The following ARHGAP44 variants were observed in gnomAD, a reference collection of about 807,000 sequenced individuals.
ARHGAP44 encodes Rho GTPase activating protein 44, also known as rho GTPase-activating protein 44.
Under a neutral mutation model 106.8 loss-of-function variants are expected in ARHGAP44, and 43 were observed. That is an observed-to-expected ratio of 0.40 (90% CI 0.32 to 0.52). The LOEUF (loss-of-function observed/expected upper bound fraction) is 0.52. Ranked by LOEUF, ARHGAP44 falls within the 20% of genes least tolerant of loss-of-function variation. ARHGAP44 has a pLI of 0.48. For synonymous variants in ARHGAP44, 439 were observed against 410.3 expected, an observed-to-expected ratio of 1.07 and a Z score of -0.85; for missense variants, 866 against 1,050.5, an observed-to-expected ratio of 0.82 and a Z score of 2.43.
chr17:12,884,701 C>T (rs760932845), intron 1 of ARHGAP44, among the ~76,000 whole-genome samples: 7 of 152,142 alleles, frequency 4.6e-5, no homozygotes, highest in Non-Finnish European at 8.8e-5. Flanking sequence ...ACCTTCCCCA[C>T]CCCCATCTAC....
chr17:12,855,485 T>C (rs1486410688), intron 1 of ARHGAP44, among the ~76,000 whole-genome samples: 1 of 151,946 alleles, frequency 6.6e-6, no homozygotes, highest in East Asian at 1.9e-4. Flanking sequence ...AGATTCTACA[T>C]TATCTTCATT....
intron 3 of ARHGAP44, among the ~76,000 whole-genome samples, chr17:12,898,505 A>T (rs1279992414): frequency 2.0e-5 from 3 of 152,172 alleles, no homozygotes; most frequent in Admixed American, 1.3e-4. Flanking sequence ...AAAGGCACTT[A>T]ATTGCCTCAC....
chr17:12,848,974 G>A (rs1057031486), intron 1 of ARHGAP44, among the ~76,000 whole-genome samples: 1 of 151,874 alleles, frequency 6.6e-6, no homozygotes, highest in Non-Finnish European at 1.5e-5. Context: ...CTTGAACTTG[G>A]GAGGTGGAGG....
At chr17:12,975,249 G>A (rs766465789) in intron 18 of ARHGAP44, among the ~76,000 whole-genome samples, 51 of 152,252 alleles carry the variant, frequency 3.3e-4, no homozygotes, top group Non-Finnish European at 5.4e-4. Flanking sequence ...GGGGACTACT[G>A]TATCCTATTT....
rs115965065 is a variant in ARHGAP44 at position 12,899,843 on chromosome 17, G to A, written c.198+3332G>A. On this transcript the variant is annotated intron_variant, in intron 3 of 20. Coordinates refer to ENST00000379672, the MANE Select transcript of ARHGAP44 (RefSeq NM_014859.6). The stretch of plus-strand genomic sequence containing the variant: ...CACATGTAAGTTGCTACTTGAGTAC[G>A]TGTAAGTTGCTTTTTGTTATTTCTC... Among the ~76,000 whole-genome samples the A allele has an allele frequency of 6.5e-3, 986 of 152,282 alleles. 17 individuals are homozygous for A. The highest frequency in any genetic ancestry group is 0.023 in the African/African-American group (942 of 41,576).
chr17:12,930,062 C>G (rs545990111), intron 7 of ARHGAP44, among the ~76,000 whole-genome samples: 24 of 152,294 alleles, frequency 1.6e-4, no homozygotes, highest in African/African-American at 5.5e-4. Flanking sequence ...TGGAACCAAG[C>G]AAAGTAAGAC....
intron 1 of ARHGAP44, among the ~76,000 whole-genome samples, chr17:12,839,731 C>T (rs146938378): frequency 3.4e-4 from 52 of 152,206 alleles, no homozygotes; most frequent in African/African-American, 1.2e-3. Flanking sequence ...CTTTAAGTTG[C>T]GTGGATATTC....
chr17:12,878,491 C>T (rs894052045), intron 1 of ARHGAP44, among the ~76,000 whole-genome samples: 3 of 152,228 alleles, frequency 2.0e-5, no homozygotes, highest in Non-Finnish European at 4.4e-5. Context: ...TACACAGCGC[C>T]TGTCATCCTG....
intron 1 of ARHGAP44, among the ~76,000 whole-genome samples, chr17:12,840,569 G>A (rs780930972): frequency 4.6e-5 from 7 of 152,166 alleles, no homozygotes; most frequent in African/African-American, 7.2e-5. Context: ...CCCAATGTCT[G>A]GCCTGGGAGA....
intron 10 of ARHGAP44, among the ~76,000 whole-genome samples, chr17:12,946,485 A>AG (rs2143035838): frequency 6.6e-6 from 1 of 151,248 alleles, no homozygotes; most frequent in Admixed American, 6.6e-5. Flanking sequence ...CTCTAAAAAA[A>AG]AAAAAAAAGA....
At chr17:12,811,016 G>A (rs9915615) in intron 1 of ARHGAP44, among the ~76,000 whole-genome samples, 27,163 of 152,010 alleles carry the variant, frequency 0.18, 4,139 homozygotes, top group African/African-American at 0.41. Context: ...AAGAAAATGT[G>A]ATTAAGAAAA....
chr17:12,949,178 G>A lies in ARHGAP44; in HGVS notation c.900G>A (p.Lys300=), dbSNP rs771731539. ...TAGCCCCCTCTGCCTCCAAACTGAA[G>A]AAGCTGAAAGCGGCCCTGGACTGCT... The part of the protein sequence containing the change: ...FRVAPSASKL[K]KLKAALDCCV... Residue 300 remains lysine (K), a synonymous_variant, in exon 11 of 21, where the codon AAG becomes AAA. Coordinates refer to ENST00000379672, the MANE Select transcript of ARHGAP44 (RefSeq NM_014859.6). This position sits in a 1 kb window ranked among gnomAD's most constrained non-coding sequence, Gnocchi z 4.1. 1.3e-6 allele frequency: 2 copies of A among 1,582,416 alleles called. No homozygotes were observed. Among genetic ancestry groups the A allele is most frequent in the Non-Finnish European group, 1.7e-6 (2 of 1,164,518 alleles).
chr17:12,894,974 C>A lies in ARHGAP44; in HGVS notation c.88C>A (p.Leu30Ile). 1 of 1,588,252 alleles carries A rather than the reference C, an allele frequency of 6.3e-7. No homozygotes were observed. Residue 30 changes from leucine to isoleucine, a missense_variant, in exon 2 of 21, where the codon CTT becomes ATT. Coordinates refer to ENST00000379672, the MANE Select transcript of ARHGAP44 (RefSeq NM_014859.6). ...EKTEVLSEDLLQVEKRLELVK... is the reference protein window; with the variant it reads ...EKTEVLSEDLIQVEKRLELVK... The stretch of plus-strand genomic sequence containing the variant: ...GACAGAAGTTTTGAGTGAAGACCTT[C>A]TTCAGGTAAGGCGGCCATTGACACT...
intron 1 of ARHGAP44, among the ~76,000 whole-genome samples, chr17:12,814,248 T>TG (rs890359706): frequency 2.1e-5 from 3 of 145,728 alleles, no homozygotes; most frequent in African/African-American, 7.7e-5. Flanking sequence ...TTTTTTTTTT[T>TG]TTTTTTTTTT....
chr17:12,986,027 G>A (rs1302829651), intron 20 of ARHGAP44: 1 of 152,244 alleles, frequency 6.6e-6, no homozygotes, highest in Non-Finnish European at 1.5e-5. Flanking sequence ...GACGGAAGCA[G>A]TGACCCTGTG....
Position 12,919,798 on chromosome 17 carries a change from A to C in ARHGAP44, c.431A>C (p.Lys144Thr), listed in dbSNP as rs754420489. 6.2e-7 allele frequency: 1 copy of C among 1,613,514 alleles called. No individual in the cohort carries two copies. The highest frequency in any genetic ancestry group is 1.1e-5 in the South Asian group (1 of 90,900). ...CAAAAGCAGAGGAAACACTTAGCCA[A>C]GTTGGTGCTGGACATGGATTCCTCA... ...NIQKQRKHLA[K>T]LVLDMDSSRT... The change falls in exon 6 of 21, where the codon AAG (lysine) becomes ACG (threonine). Residue 144 changes from lysine to threonine, a missense_variant. Physicochemically the swap from Lys to Thr is moderately conservative, Grantham distance 78. Coordinates refer to ENST00000379672, the MANE Select transcript of ARHGAP44 (RefSeq NM_014859.6).
chr17:12,789,620 C>T lies in ARHGAP44; in HGVS notation c.-219C>T. 1 of 324,800 alleles carries T rather than the reference C, an allele frequency of 3.1e-6. No individual in the cohort carries two copies. Among genetic ancestry groups the T allele is most frequent in the Non-Finnish European group, 5.5e-6 (1 of 180,534 alleles). 20.1% of individuals were successfully genotyped at this position (324,800 alleles called of 1,614,324 possible). ...TTGCTCTGCCCCGGGCATTGCGCGG[C>T]GCGCGTGAGGGGGATGCGGCAGGAG... On this transcript the variant is annotated 5_prime_UTR_variant, in exon 1 of 21. Coordinates refer to ENST00000379672, the MANE Select transcript of ARHGAP44 (RefSeq NM_014859.6).
At chr17:12,868,436 C>T (rs1406369372) in intron 1 of ARHGAP44, among the ~76,000 whole-genome samples, 2 of 151,436 alleles carry the variant, frequency 1.3e-5, no homozygotes, top group Non-Finnish European at 2.9e-5. Flanking sequence ...CTACAGAAAT[C>T]AAATAAAACC....
chr17:12,912,506 A>G (rs2037769351), intron 4 of ARHGAP44, among the ~76,000 whole-genome samples: 1 of 152,200 alleles, frequency 6.6e-6, no homozygotes, highest in Non-Finnish European at 1.5e-5. Flanking sequence ...AAGAAGAGGA[A>G]GAAATAATAA....
Sources: gnomAD v4.1 joint callset for allele counts (sites outside exome capture counted in the v4.1 genomes callset) on GRCh38, gnomAD v4.1.1 for gene constraint, Gnocchi (gnomAD v3.1) non-coding constraint, MANE v1.5 for transcripts, NCBI Gene and HGNC (gene_info 2026-07-23, HGNC 2026-07-21) for gene names.